Variants in SH3GL2 observed in about 807,000 individuals in gnomAD.
SH3GL2 encodes the protein endophilin-A1.
SH3GL2 carries 24 observed loss-of-function variants against 46.0 expected under a neutral mutation model. The observed-to-expected ratio is 0.52, with a 90% CI of 0.38 to 0.73. The LOEUF is 0.73. Ranked by LOEUF, SH3GL2 falls within the 30% of genes least tolerant of loss-of-function variation. SH3GL2 has a pLI of 0.00. For missense variants in SH3GL2, 413 were observed against 424.2 expected (o/e 0.97, Z 0.23); for synonymous variants, 196 against 147.1 (o/e 1.33, Z -2.40).
At chr9:17,759,515 A>G (rs1823107451) in intron 2 of SH3GL2, among the ~76,000 whole-genome samples, 1 of 152,168 alleles carries the variant, frequency 6.6e-6, no homozygotes, top group African/African-American at 2.4e-5. Flanking sequence ...TTAAGAACAC[A>G]CACACTGGAA....
In SH3GL2 at chr9:17,729,891, C is replaced by CA. The variant is rs201630935; in HGVS notation, c.46-17174dup. On this transcript the variant is annotated intron_variant, in intron 1 of 8. Transcript: ENST00000380607. ...TGTACTATAGTTTGAAGTCATGTGG[C>CA]ATGATGCCTCCAGCTTTGTTGTTTT... Among the ~76,000 whole-genome samples the CA allele has an allele frequency of 5.3e-3, 804 of 152,238 alleles. 17 individuals are homozygous for CA. The East Asian group carries it at 0.065, about 12-fold the overall frequency.
intron 1 of SH3GL2, among the ~76,000 whole-genome samples, chr9:17,599,909 G>C (rs1457765166): frequency 2.0e-5 from 3 of 151,090 alleles, no homozygotes; most frequent in Non-Finnish European, 4.4e-5. Flanking sequence ...ACCCATCCAG[G>C]AAACGGGAAT....
At chr9:17,681,966 C>T (rs1274345277) in intron 1 of SH3GL2, among the ~76,000 whole-genome samples, 1 of 151,986 alleles carries the variant, frequency 6.6e-6, no homozygotes, top group Non-Finnish European at 1.5e-5. Context: ...TGAAAAAAAG[C>T]TGAACATCAG....
chr9:17,629,929 C>T (rs1457063694), intron 1 of SH3GL2, among the ~76,000 whole-genome samples: 2 of 152,032 alleles, frequency 1.3e-5, no homozygotes, highest in African/African-American at 4.8e-5. Context: ...AAATGTGGTT[C>T]CCAGGCCACC....
At chr9:17,618,118 C>G (rs1410859571) in intron 1 of SH3GL2, among the ~76,000 whole-genome samples, 1 of 152,124 alleles carries the variant, frequency 6.6e-6, no homozygotes, top group African/African-American at 2.4e-5. Context: ...CATTGGTTCT[C>G]AACCGGGGAT....
At chr9:17,705,836 A>G (rs1364501351) in intron 1 of SH3GL2, among the ~76,000 whole-genome samples, 1 of 151,982 alleles carries the variant, frequency 6.6e-6, no homozygotes, top group Non-Finnish European at 1.5e-5. Context: ...GGGTCGTAAA[A>G]CTACCTGTTA....
At chr9:17,752,307 T>C (rs938104031) in intron 2 of SH3GL2, among the ~76,000 whole-genome samples, 1 of 152,194 alleles carries the variant, frequency 6.6e-6, no homozygotes, top group Non-Finnish European at 1.5e-5. Context: ...TTCAGGAGTC[T>C]CAGTACTTTA....
chr9:17,793,361 C>T lies in SH3GL2; in HGVS notation c.729-6C>T, dbSNP rs746017524. The T allele has an allele frequency of 1.9e-6, 3 of 1,606,520 alleles. No homozygotes were observed. The highest frequency in any genetic ancestry group is 1.3e-5 in the African/African-American group (1 of 74,444). ...AACCTTTCCACCACTTTTCTTTTTA[C>T]TGCAGAATAAGACAGGCTTCATCTC... On this transcript the variant is annotated splice_polypyrimidine_tract_variant and splice_region_variant and intron_variant, in intron 7 of 8. Transcript: ENST00000380607.
chr9:17,771,965 A>T (rs1563848093), intron 3 of SH3GL2, among the ~76,000 whole-genome samples: 1 of 152,322 alleles, frequency 6.6e-6, no homozygotes, highest in East Asian at 1.9e-4. Flanking sequence ...GAAACAACAT[A>T]GATGTGAGTA....
intron 3 of SH3GL2, among the ~76,000 whole-genome samples, chr9:17,772,242 T>G (rs1823505475): frequency 6.6e-6 from 1 of 152,252 alleles, no homozygotes; most frequent in Non-Finnish European, 1.5e-5. Context: ...TAGTGTGATT[T>G]GAGGATTTAT....
chr9:17,685,099 A>G (rs572353332), intron 1 of SH3GL2, among the ~76,000 whole-genome samples: 2 of 152,234 alleles, frequency 1.3e-5, no homozygotes, highest in East Asian at 3.9e-4. Context: ...GGTTTTCTAG[A>G]GAAACAGAAC....
intron 1 of SH3GL2, among the ~76,000 whole-genome samples, chr9:17,630,076 C>G (rs539512464): frequency 5.3e-4 from 81 of 152,170 alleles, no homozygotes; most frequent in African/African-American, 2.0e-3. Flanking sequence ...TTTAAGCTGG[C>G]CTCAGAATCA....
chr9:17,662,840 G>C (rs1820255253), intron 1 of SH3GL2, among the ~76,000 whole-genome samples: 1 of 151,498 alleles, frequency 6.6e-6, no homozygotes, highest in African/African-American at 2.4e-5. Context: ...CTCCCAAGTA[G>C]CTGGGATTAC....
chr9:17,776,924 C>G (rs759737688), intron 3 of SH3GL2, among the ~76,000 whole-genome samples: 2 of 152,258 alleles, frequency 1.3e-5, no homozygotes, highest in South Asian at 4.1e-4. Flanking sequence ...CTTGGCTCCC[C>G]TGAGCAGTGC....
At chr9:17,681,913 A>G (rs976773387) in intron 1 of SH3GL2, among the ~76,000 whole-genome samples, 2 of 152,232 alleles carry the variant, frequency 1.3e-5, no homozygotes, top group Admixed American at 6.5e-5. Context: ...TCTCAAAAGA[A>G]GACATGTGGC....
chr9:17,645,488 T>C (rs1473787060), intron 1 of SH3GL2, among the ~76,000 whole-genome samples: 1 of 152,126 alleles, frequency 6.6e-6, no homozygotes, highest in African/African-American at 2.4e-5. Context: ...ACAATTTTGT[T>C]TGTTTTTGCA....
intron 1 of SH3GL2, among the ~76,000 whole-genome samples, chr9:17,690,949 CA>C (rs1435998023): frequency 6.6e-6 from 1 of 152,130 alleles, no homozygotes; most frequent in Non-Finnish European, 1.5e-5. Context: ...CAGACTTCTG[CA>C]ACCTAGCCTT....
At chr9:17,703,960 G>A (rs896163710) in intron 1 of SH3GL2, among the ~76,000 whole-genome samples, 1 of 151,894 alleles carries the variant, frequency 6.6e-6, no homozygotes, top group Non-Finnish European at 1.5e-5. Flanking sequence ...GTCAGCAAGA[G>A]GTATAAAAAG....
At chr9:17,579,309 TC>T in intron 1 of SH3GL2, 22 bp downstream of exon 1, 1 of 1,537,708 alleles carries the variant, frequency 6.5e-7, no homozygotes, top group East Asian at 2.7e-5. Context: ...GGCAGGTGCG[TC>T]CCGGGGCAGT....
Sources: gnomAD v4.1 joint callset for allele counts (sites outside exome capture counted in the v4.1 genomes callset) on GRCh38, gnomAD v4.1.1 for gene constraint, MANE v1.5 for transcripts, NCBI Gene and HGNC (gene_info 2026-07-23, HGNC 2026-07-21) for gene names.